Variants in FREM1 observed in about 807,000 individuals in gnomAD.
FREM1 encodes FRAS1 related extracellular matrix 1.
Under a neutral mutation model 210.1 loss-of-function variants are expected in FREM1, and 220 were observed. The ratio of observed to expected loss-of-function variants is 1.05; its 90% CI spans 0.94 to 1.17. The LOEUF (loss-of-function observed/expected upper bound fraction) is 1.17. Among genes scored for constraint, FREM1 ranks in the 50% most tolerant of loss-of-function variants. The probability of loss-of-function intolerance (pLI) is 0.00; values close to 1 mark genes in which losing one functional copy is unlikely to be tolerated. For missense variants in FREM1, 3,454 were observed against 2,675.5 expected (o/e 1.29, Z -6.42); for synonymous variants, 1,189 against 980.2 (o/e 1.21, Z -3.98).
At chr9:14,888,944 CAA>C (rs888677370) in intron 1 of FREM1, among the ~76,000 whole-genome samples, 1 of 152,132 alleles carries the variant, frequency 6.6e-6, no homozygotes, top group Non-Finnish European at 1.5e-5. Context: ...TCAATACCCC[CAA>C]AGAGTTGTGT....
intron 29 of FREM1, among the ~76,000 whole-genome samples, chr9:14,754,404 T>C (rs186003504): frequency 6.6e-6 from 1 of 152,308 alleles, no homozygotes; most frequent in African/African-American, 2.4e-5. Flanking sequence ...TTATCTGAGT[T>C]AGAATGTTAA....
At chr9:14,881,704 C>G (rs1834819964) in intron 1 of FREM1, among the ~76,000 whole-genome samples, 1 of 152,184 alleles carries the variant, frequency 6.6e-6, no homozygotes, top group South Asian at 2.1e-4. Flanking sequence ...CCTCACCTTC[C>G]TCCATAGAAA....
intron 1 of FREM1, among the ~76,000 whole-genome samples, chr9:14,882,249 T>C (rs1291845719): frequency 2.0e-5 from 3 of 152,066 alleles, no homozygotes; most frequent in African/African-American, 4.8e-5. Flanking sequence ...TATGGGACAA[T>C]AGTTCATTCT....
intron 13 of FREM1, 75 bp from the exon 14 acceptor site, chr9:14,819,517 G>A (rs559095573): frequency 4.8e-4 from 391 of 813,404 alleles, no homozygotes; most frequent in Non-Finnish European, 7.0e-4. Context: ...TTACATCACT[G>A]TAAAACTTCC....
intron 18 of FREM1, among the ~76,000 whole-genome samples, chr9:14,806,220 T>C (rs765781834): frequency 2.6e-5 from 4 of 151,660 alleles, no homozygotes; most frequent in Non-Finnish European, 5.9e-5. Flanking sequence ...ATAATAGTAA[T>C]AATAATTCAT....
At chr9:14,893,827 G>C (rs1025794814) in intron 1 of FREM1, among the ~76,000 whole-genome samples, 3 of 151,878 alleles carry the variant, frequency 2.0e-5, no homozygotes, top group Non-Finnish European at 4.4e-5. Context: ...TAAGCAAGTT[G>C]TGGAAGGTTT....
At chr9:14,813,823 G>T (rs1338442927) in intron 15 of FREM1, among the ~76,000 whole-genome samples, 1 of 152,160 alleles carries the variant, frequency 6.6e-6, no homozygotes, top group African/African-American at 2.4e-5. Context: ...GTGCTGCAAG[G>T]CTGCCACGTC....
intron 10 of FREM1, among the ~76,000 whole-genome samples, chr9:14,838,671 T>C (rs1041782907): frequency 6.6e-6 from 1 of 152,190 alleles, no homozygotes; most frequent in African/African-American, 2.4e-5. Flanking sequence ...AGAACCAGAA[T>C]TCATTTGGTG....
rs932050798 is a variant in FREM1, at chr9:14,794,153, C to T, written c.3840-1269G>A. 2.0e-5 allele frequency among the ~76,000 whole-genome samples: 3 copies of T among 152,064 alleles called. No homozygotes were observed. In the South Asian group the frequency reaches 6.2e-4, roughly 32 times the overall value. On this transcript the variant is annotated intron_variant, in intron 21 of 36. Transcript: ENST00000380880. ...CAAGGTGTGTCATAATCTAGGTTAT[C>T]CTAAAAGGATCCTAGGACAAGGAAG...
At chr9:14,771,549 G>A (rs1186202218) in intron 25 of FREM1, among the ~76,000 whole-genome samples, 1 of 152,078 alleles carries the variant, frequency 6.6e-6, no homozygotes, top group Non-Finnish European at 1.5e-5. Flanking sequence ...AGTGCATCTT[G>A]CATTTGCAAG....
At chr9:14,809,600 A>C (rs949149314) in intron 16 of FREM1, among the ~76,000 whole-genome samples, 3 of 152,234 alleles carry the variant, frequency 2.0e-5, no homozygotes, top group Admixed American at 6.5e-5. Flanking sequence ...TCAATGTGAG[A>C]AAGAGTCAAA....
intron 29 of FREM1, among the ~76,000 whole-genome samples, chr9:14,755,206 A>C (rs906192956): frequency 1.3e-5 from 2 of 152,216 alleles, no homozygotes; most frequent in Non-Finnish European, 2.9e-5. Flanking sequence ...GTGTTATGAC[A>C]GCCTGAAGAA....
chr9:14,747,593 A>G lies in FREM1; in HGVS notation c.5844+88T>C, dbSNP rs1842700462. On this transcript the variant is annotated intron_variant, in intron 32 of 36. Coordinates refer to ENST00000380880, the MANE Select transcript of FREM1 (RefSeq NM_001379081.2). Reference sequence around the variant, plus strand: ...CAAAACAATTTTTTAAGAGAAATGTATAAATATAAAAAATATAAAATAATA... The same window carrying G: ...CAAAACAATTTTTTAAGAGAAATGTGTAAATATAAAAAATATAAAATAATA... 4 of 1,030,074 alleles carry G rather than the reference A, an allele frequency of 3.9e-6. No individual in the cohort carries two copies. The African/African-American group carries it at 5.0e-5, about 13-fold the overall frequency. 63.8% of individuals were successfully genotyped at this position (1,030,074 alleles called of 1,614,324 possible).
intron 25 of FREM1, among the ~76,000 whole-genome samples, chr9:14,771,903 T>A (rs898065804): frequency 3.3e-5 from 5 of 152,044 alleles, no homozygotes; most frequent in Non-Finnish European, 5.9e-5. Flanking sequence ...AGAATTCGAA[T>A]ATAATTATAA....
chr9:14,792,722 T>C (rs374484245), intron 22 of FREM1, 21 bp downstream of exon 22: 1 of 1,559,606 alleles, frequency 6.4e-7, no homozygotes. Flanking sequence ...TTTTGAAAAA[T>C]AAAAGTAAGA....
chr9:14,848,808 G>A, intron 6 of FREM1, 35 bp from the exon 7 acceptor site: 1 of 1,293,438 alleles, frequency 7.7e-7, no homozygotes. Context: ...GCCACACACT[G>A]AAGCGTTACA....
chr9:14,888,852 C>A (rs1836277399), intron 1 of FREM1, among the ~76,000 whole-genome samples: 1 of 152,074 alleles, frequency 6.6e-6, no homozygotes, highest in Non-Finnish European at 1.5e-5. Context: ...CTGAAAATAA[C>A]TTTTTTTAAA....
chr9:14,806,261 T>G (rs895914480), intron 18 of FREM1, among the ~76,000 whole-genome samples: 5 of 122,530 alleles, frequency 4.1e-5, no homozygotes, highest in African/African-American at 1.4e-4. Flanking sequence ...AACTTTTTTT[T>G]TTTTTTTTTT....
At chr9:14,793,998 T>C (rs917088362) in intron 21 of FREM1, among the ~76,000 whole-genome samples, 1 of 152,158 alleles carries the variant, frequency 6.6e-6, no homozygotes, top group Non-Finnish European at 1.5e-5. Context: ...GACAGATTAA[T>C]CAAAACGGGA....
Sources: allele counts gnomAD v4.1 joint callset (sites outside exome capture counted in the v4.1 genomes callset), GRCh38; gene constraint gnomAD v4.1.1; transcripts MANE v1.5; gene names NCBI Gene and HGNC (gene_info 2026-07-23, HGNC 2026-07-21).